Variants in CEP57L1 observed in about 807,000 individuals in gnomAD.
CEP57L1 encodes centrosomal protein 57 like 1.
Under a neutral mutation model 61.0 loss-of-function variants are expected in CEP57L1, and 37 were observed. The ratio of observed to expected loss-of-function variants is 0.61; its 90% CI spans 0.47 to 0.80. The LOEUF is 0.80. CEP57L1 is among the 30% of genes least tolerant of loss of function. The pLI is 0.00. For synonymous variants in CEP57L1, 137 were observed against 162.3 expected (o/e 0.84, Z 1.19); for missense variants, 422 against 524.7 (o/e 0.80, Z 1.91).
chr6:109,112,452 C>CA (rs1562506818), intron 1 of CEP57L1, among the ~76,000 whole-genome samples: 1 of 151,952 alleles, frequency 6.6e-6, no homozygotes, highest in Non-Finnish European at 1.5e-5. Context: ...TTGATCTTTT[C>CA]AAAAAACCGG....
intron 1 of CEP57L1, among the ~76,000 whole-genome samples, chr6:109,100,706 A>T (rs945209207): frequency 2.6e-5 from 4 of 151,662 alleles, no homozygotes; most frequent in African/African-American, 9.7e-5. Flanking sequence ...GAAAGAAAGA[A>T]AGTTTACAGA....
intron 1 of CEP57L1, among the ~76,000 whole-genome samples, chr6:109,114,464 G>A (rs994299442): frequency 2.0e-5 from 3 of 151,772 alleles, no homozygotes; most frequent in Non-Finnish European, 4.4e-5. Flanking sequence ...AGCCCCTCAT[G>A]TATATAGAAA....
chr6:109,105,005 G>A (rs1056653339), intron 1 of CEP57L1, among the ~76,000 whole-genome samples: 30 of 152,048 alleles, frequency 2.0e-4, no homozygotes, highest in African/African-American at 6.5e-4. Context: ...TTAGCTATTC[G>A]TGTTTTCTTG....
intron 1 of CEP57L1, among the ~76,000 whole-genome samples, chr6:109,116,403 C>T (rs924800624): frequency 8.5e-5 from 13 of 152,184 alleles, no homozygotes; most frequent in African/African-American, 3.1e-4. Context: ...TGTCAAACTC[C>T]CTACCTCAGG....
chr6:109,140,945 C>T (rs1051095314), intron 1 of CEP57L1, among the ~76,000 whole-genome samples: 12 of 152,172 alleles, frequency 7.9e-5, no homozygotes, highest in Non-Finnish European at 1.0e-4. Context: ...ATTCTCCTGC[C>T]TCAGCCTCCT....
At chr6:109,110,629 G>T (rs1771494178) in intron 1 of CEP57L1, among the ~76,000 whole-genome samples, 1 of 152,130 alleles carries the variant, frequency 6.6e-6, no homozygotes, top group Non-Finnish European at 1.5e-5. Flanking sequence ...GTATTGCCTA[G>T]GTTTTCTTCT....
intron 1 of CEP57L1, chr6:109,129,256 T>G: frequency 3.0e-6 from 2 of 676,188 alleles, no homozygotes; most frequent in South Asian, 6.3e-5. Context: ...TCAATTCATT[T>G]TATCGCCTTT....
intron 1 of CEP57L1, among the ~76,000 whole-genome samples, chr6:109,107,474 A>C (rs577763194): frequency 2.6e-5 from 4 of 152,224 alleles, no homozygotes; most frequent in African/African-American, 9.6e-5. Context: ...CATGCGTTTC[A>C]GATACCTGTT....
chr6:109,145,238 T>C lies in CEP57L1; in HGVS notation c.17T>C (p.Met6Thr), dbSNP rs1329654050. ...CTACAGATAATGGATTCTGAATTAA[T>C]GCATAGTATAGTAGGAAGCTATCAT... MDSEL[M>T]HSIVGSYHKP... Residue 6 changes from methionine to threonine, a missense_variant, in exon 2 of 11, where the codon ATG (methionine) becomes ACG (threonine). Met to Thr is a moderately conservative substitution (Grantham distance 81). Transcript: ENST00000517392. 4.4e-6 allele frequency: 7 copies of C among 1,579,236 alleles called. No homozygotes were observed. Among genetic ancestry groups the C allele is most frequent in the Non-Finnish European group, 1.7e-6 (2 of 1,155,484 alleles).
intron 2 of CEP57L1, among the ~76,000 whole-genome samples, 155 bp from the exon 3 acceptor site, chr6:109,146,603 T>G (rs1343059981): frequency 6.6e-6 from 1 of 152,070 alleles, no homozygotes; most frequent in Non-Finnish European, 1.5e-5. Context: ...CTTCAAAGTG[T>G]TAGTCATTAT....
At chr6:109,150,975 G>C (rs1458877100) in intron 4 of CEP57L1, among the ~76,000 whole-genome samples, 1 of 152,176 alleles carries the variant, frequency 6.6e-6, no homozygotes. Context: ...TAGAAGGTCA[G>C]AGATGCAGGA....
At position 109,129,272 on chromosome 6, in the gene CEP57L1, C is replaced by T. The variant is rs1402675238; in HGVS notation, c.-3-15947C>T. The stretch of plus-strand genomic sequence containing the variant: ...CAATTCATTTTATCGCCTTTAGTAT[C>T]TTTATTAACTTAAGCTATTCATATT... On this transcript the variant is annotated intron_variant, in intron 1 of 10. Transcript: ENST00000517392. 3.8e-6 allele frequency: 3 copies of T among 794,520 alleles called. No homozygotes were observed. The Admixed American group carries it at 1.2e-4, about 31-fold the overall frequency. 49.2% of individuals were successfully genotyped at this position (794,520 alleles called of 1,614,324 possible).
intron 1 of CEP57L1, among the ~76,000 whole-genome samples, chr6:109,109,146 C>CTT: frequency 6.6e-6 from 1 of 152,092 alleles, no homozygotes. Context: ...TAGTAGTCTC[C>CTT]TGTGTAGAGC....
chr6:109,118,516 A>G (rs757147220), intron 1 of CEP57L1, among the ~76,000 whole-genome samples: 3 of 152,234 alleles, frequency 2.0e-5, no homozygotes, highest in African/African-American at 7.2e-5. Context: ...GCAGCCTATC[A>G]ACATCTCTGT....
At position 109,166,134 on chromosome 6, in the gene CEP57L1, A is replaced by G. The variant is rs1583697770; in HGVS notation, c.*3164A>G. On this transcript the variant is annotated 3_prime_UTR_variant, in exon 11 of 11. Transcript: ENST00000517392. Reference sequence around the variant, plus strand: ...GATCATTGGCAACCCAGCCATTTTTATTAGGTTGTAGATAAAGACAGGAGG... The same window carrying G: ...GATCATTGGCAACCCAGCCATTTTTGTTAGGTTGTAGATAAAGACAGGAGG... 6.6e-6 allele frequency among the ~76,000 whole-genome samples: 1 copy of G among 152,254 alleles called. No homozygotes were observed. The highest frequency in any genetic ancestry group is 2.1e-4 in the South Asian group (1 of 4,810).
chr6:109,126,658 C>T (rs561258410), intron 1 of CEP57L1, among the ~76,000 whole-genome samples: 4 of 152,066 alleles, frequency 2.6e-5, no homozygotes, highest in African/African-American at 7.2e-5. Flanking sequence ...ATTATATGTT[C>T]TAAACTAAAT....
intron 3 of CEP57L1, among the ~76,000 whole-genome samples, chr6:109,147,592 G>C (rs1342203162): frequency 6.6e-6 from 1 of 152,112 alleles, no homozygotes; most frequent in Non-Finnish European, 1.5e-5. Flanking sequence ...CAAATGGGGA[G>C]AAAAATATTT....
intron 4 of CEP57L1, 26 bp downstream of exon 4, chr6:109,150,265 A>G (rs778702719): frequency 6.3e-7 from 1 of 1,581,522 alleles, no homozygotes; most frequent in Non-Finnish European, 8.6e-7. Context: ...ATAAGGAATG[A>G]TAATATAATT....
rs1231905349 is a variant in CEP57L1 at position 109,171,471 on chromosome 6, C to A, written c.*8501C>A. Reference sequence around the variant, plus strand: ...TGTTAGCCAGGCTGGTCTCGAACTCCTGACCTTAGGTGAACTGCCCGCCTC... The same window carrying A: ...TGTTAGCCAGGCTGGTCTCGAACTCATGACCTTAGGTGAACTGCCCGCCTC... On this transcript the variant is annotated 3_prime_UTR_variant, in exon 11 of 11. Coordinates refer to ENST00000517392, the MANE Select transcript of CEP57L1 (RefSeq NM_001271852.3). Among the ~76,000 whole-genome samples, 1 of 151,966 alleles carries A rather than the reference C, an allele frequency of 6.6e-6. No individual in the cohort carries two copies. Among genetic ancestry groups the A allele is most frequent in the East Asian group, 1.9e-4 (1 of 5,188 alleles).
Sources: allele counts gnomAD v4.1 joint callset (sites outside exome capture counted in the v4.1 genomes callset), GRCh38; gene constraint gnomAD v4.1.1; transcripts MANE v1.5; gene names NCBI Gene and HGNC (gene_info 2026-07-23, HGNC 2026-07-21).